Variants in EFTUD2 observed in about 807,000 individuals in gnomAD.
EFTUD2 encodes the protein 116 kDa U5 small nuclear ribonucleoprotein component.
In EFTUD2, 9 loss-of-function variants were observed where a neutral mutation model predicts 114.3. That is an observed-to-expected ratio of 0.08 (90% CI 0.05 to 0.14). The LOEUF (loss-of-function observed/expected upper bound fraction) is 0.14, where lower values mean the gene tolerates loss of function less well. Among genes scored for constraint, EFTUD2 ranks in the 10% least tolerant of loss-of-function variants. The pLI, the probability that EFTUD2 is intolerant of heterozygous loss-of-function variation, is 1.00. For missense variants in EFTUD2, 765 were observed against 1,241.2 expected, an observed-to-expected ratio of 0.62 and a Z score of 5.76; for synonymous variants, 449 against 462.3, an observed-to-expected ratio of 0.97 and a Z score of 0.37.
chr17:44,874,773 A>G (rs1443364019), intron 10 of EFTUD2, among the ~76,000 whole-genome samples: 1 of 152,262 alleles, frequency 6.6e-6, no homozygotes, highest in Non-Finnish European at 1.5e-5. Context: ...GTATATCCAC[A>G]GAAACACAGC....
At chr17:44,888,068 T>C (rs2051208206) in intron 2 of EFTUD2, among the ~76,000 whole-genome samples, 1 of 117,088 alleles carries the variant, frequency 8.5e-6, no homozygotes, top group African/African-American at 3.1e-5. Flanking sequence ...GCTCTACAGG[T>C]ACCTGGGGAA....
chr17:44,875,147 C>T (rs981133336), intron 10 of EFTUD2, among the ~76,000 whole-genome samples: 50 of 152,066 alleles, frequency 3.3e-4, no homozygotes, highest in African/African-American at 1.1e-3. Flanking sequence ...GGAAGAATTG[C>T]TTGAGGCCAG....
At chr17:44,893,757 T>A (rs1232127532) in intron 2 of EFTUD2, among the ~76,000 whole-genome samples, 3 of 58,370 alleles carry the variant, frequency 5.1e-5, no homozygotes, top group African/African-American at 2.6e-4. Context: ...CATTGTTTTT[T>A]AAAAAAAGGT....
At position 44,883,075 on chromosome 17, in the gene EFTUD2, A is replaced by G. The variant is rs1411723733; in HGVS notation, c.492+18T>C. On this transcript the variant is annotated intron_variant, in intron 6 of 27. Coordinates refer to ENST00000426333, the MANE Select transcript of EFTUD2 (RefSeq NM_004247.4). ...TCTGAATGGTTCATCCTAAACCCTC[A>G]ACAGAAGTTCTACTTACATCTTGGT... 1 of 1,613,946 alleles carries G rather than the reference A, an allele frequency of 6.2e-7. No homozygotes were observed. Among genetic ancestry groups the G allele is most frequent in the Non-Finnish European group, 8.5e-7 (1 of 1,179,836 alleles).
chr17:44,854,580 C>A lies in EFTUD2; in HGVS notation c.2235G>T (p.Leu745=), dbSNP rs753663094. 2.5e-6 allele frequency: 4 copies of A among 1,614,144 alleles called. No homozygotes were observed. In the South Asian group the frequency reaches 4.4e-5, roughly 18 times the overall value. The change falls in exon 22 of 28, where the codon CTG becomes CTT. Residue 745 remains leucine (L), a synonymous_variant. Transcript: ENST00000426333. This position sits in a 1 kb window ranked among gnomAD's most constrained non-coding sequence, Gnocchi z 4.3. The part of the protein sequence containing the change: ...FGPDATGPNI[L]VDDTLPSEVD... ...CCTCAGAGGGCAGAGTATCATCCACCAGAATGTTGGGGCCAGTCGCATCAG... is the reference window on the plus strand; with the variant it reads ...CCTCAGAGGGCAGAGTATCATCCACAAGAATGTTGGGGCCAGTCGCATCAG...
At chr17:44,884,291 G>C (rs1253582048) in intron 4 of EFTUD2, 1 of 152,080 alleles carries the variant, frequency 6.6e-6, no homozygotes, top group Non-Finnish European at 1.5e-5. Flanking sequence ...CCAAAGTGCT[G>C]GCATTACAAG....
chr17:44,872,359 T>TA, intron 11 of EFTUD2, 87 bp downstream of exon 11: 1 of 1,567,830 alleles, frequency 6.4e-7, no homozygotes, highest in Non-Finnish European at 8.7e-7. Flanking sequence ...AGGGTGCTGA[T>TA]ACGAAGCCAA....
intron 6 of EFTUD2, 30 bp from the exon 7 acceptor site, chr17:44,881,752 T>G (rs780928382): frequency 6.2e-7 from 1 of 1,612,286 alleles, no homozygotes; most frequent in East Asian, 2.2e-5. Context: ...TGTTACCACC[T>G]GAGTTGAGAC....
Position 44,880,772 on chromosome 17 carries a change from C to T in EFTUD2, c.529-128G>A, listed in dbSNP as rs948580054. 8 of 642,208 alleles carry T rather than the reference C, an allele frequency of 1.2e-5. No individual in the cohort carries two copies. The East Asian group carries it at 1.6e-4, about 13-fold the overall frequency. The allele number at this position is 642,208 out of a possible 1,614,324, so 39.8% of individuals were successfully genotyped here. A position where few individuals can be genotyped will look rare whatever the true frequency, so the allele number is the denominator to read the frequency against. On this transcript the variant is annotated intron_variant, in intron 7 of 27. Coordinates refer to ENST00000426333, the MANE Select transcript of EFTUD2 (RefSeq NM_004247.4). ...TTATAGTGGGTGATTTTTATCTAGG[C>T]CTCTAGCCAGCATGACCTTGAAGAT... is the stretch of plus-strand genomic sequence containing the variant.
At chr17:44,856,540 A>G (rs2050558047) in intron 20 of EFTUD2, among the ~76,000 whole-genome samples, 1 of 151,690 alleles carries the variant, frequency 6.6e-6, no homozygotes, top group Non-Finnish European at 1.5e-5. Context: ...AAAAAAGAAA[A>G]AAAAAGTAAG....
At chr17:44,875,208 T>A (rs1271631020) in intron 10 of EFTUD2, among the ~76,000 whole-genome samples, 6 of 151,408 alleles carry the variant, frequency 4.0e-5, no homozygotes, top group African/African-American at 1.2e-4. Context: ...ACAAAAAAAA[T>A]ATAAATAAAT....
At chr17:44,856,984 A>C in intron 20 of EFTUD2, 91 bp downstream of exon 20, 1 of 1,077,666 alleles carries the variant, frequency 9.3e-7, no homozygotes, top group Non-Finnish European at 1.4e-6. Context: ...CTCTATGTGC[A>C]TAGTGCTCAT....
intron 18 of EFTUD2, 65 bp downstream of exon 18, chr17:44,859,840 G>A (rs996458093): frequency 1.9e-6 from 3 of 1,608,738 alleles, no homozygotes; most frequent in Admixed American, 3.3e-5. Context: ...GGGAAGCGGT[G>A]TGCAGCTCTG....
In EFTUD2 at chr17:44,850,316, C is replaced by A. The variant is rs1297521318; in HGVS notation, c.*958G>T. The A allele has an allele frequency of 3.1e-6, 5 of 1,607,196 alleles. No homozygotes were observed. The highest frequency in any genetic ancestry group is 2.6e-6 in the Non-Finnish European group (3 of 1,175,972). ...GGTTTGATGCCAAGGGGCATTATTT[C>A]TTTTCTCTCACACAGGTGCTGTGTA... is the stretch of plus-strand genomic sequence containing the variant. On this transcript the variant is annotated 3_prime_UTR_variant, in exon 28 of 28. Coordinates refer to ENST00000426333, the MANE Select transcript of EFTUD2 (RefSeq NM_004247.4).
intron 13 of EFTUD2, among the ~76,000 whole-genome samples, chr17:44,866,077 T>C (rs1189060671): frequency 6.6e-6 from 1 of 152,176 alleles, no homozygotes; most frequent in African/African-American, 2.4e-5. Context: ...CCCAAAGTGC[T>C]GGAATTACAG....
In EFTUD2 at chr17:44,876,156, A is replaced by C. The variant is rs528156152; in HGVS notation, c.703-56T>G. The C allele has an allele frequency of 1.5e-5, 23 of 1,555,848 alleles. No individual in the cohort carries two copies. The African/African-American group carries it at 3.0e-4, about 20-fold the overall frequency. On this transcript the variant is annotated intron_variant, in intron 9 of 27. Transcript: ENST00000426333. The stretch of plus-strand genomic sequence containing the variant: ...GAAGAACAAGGAGGGCAGAAAGTTC[A>C]AAGCAGAACCAAAGAAGGCACTATT...
At chr17:44,852,675 GA>G (rs1280669206) in intron 25 of EFTUD2, 113 bp from the exon 26 acceptor site, 2 of 1,285,322 alleles carry the variant, frequency 1.6e-6, no homozygotes, top group Non-Finnish European at 2.2e-6. Context: ...TACCATCAAA[GA>G]AAGAGTAACC....
At chr17:44,899,327 C>G (rs1043924164) in intron 1 of EFTUD2, 42 bp downstream of exon 1, 1 of 152,342 alleles carries the variant, frequency 6.6e-6, no homozygotes, top group African/African-American at 2.4e-5. Context: ...TCCTATCCCA[C>G]CTGGAGCAAC....
At chr17:44,893,803 T>C (rs1313026483) in intron 2 of EFTUD2, among the ~76,000 whole-genome samples, 1 of 147,858 alleles carries the variant, frequency 6.8e-6, no homozygotes, top group Non-Finnish European at 1.5e-5. Context: ...TGGTGGCTCA[T>C]GCCTATAATC....
Sources: gnomAD v4.1 joint callset for allele counts (sites outside exome capture counted in the v4.1 genomes callset) on GRCh38, gnomAD v4.1.1 for gene constraint, Gnocchi (gnomAD v3.1) non-coding constraint, MANE v1.5 for transcripts, NCBI Gene and HGNC (gene_info 2026-07-23, HGNC 2026-07-21) for gene names.